EEA1: variants seen among roughly 807,000 people sequenced by gnomAD.
The protein encoded by EEA1 is early endosome antigen 1, 162kD.
Under a neutral mutation model 209.2 loss-of-function variants are expected in EEA1, and 111 were observed. The observed-to-expected ratio is 0.53, with a 90% CI of 0.45 to 0.62. EEA1 has a LOEUF of 0.62. Among genes scored for constraint, EEA1 ranks in the 20% least tolerant of loss-of-function variants. The pLI, the probability that EEA1 is intolerant of heterozygous loss-of-function variation, is 0.00. For missense variants in EEA1, 1,343 were observed against 1,530.8 expected (o/e 0.88, Z 2.05); for synonymous variants, 536 against 540.6 (o/e 0.99, Z 0.12).
intron 9 of EEA1, among the ~76,000 whole-genome samples, chr12:92,844,043 G>A (rs1020550477): frequency 5.9e-5 from 9 of 152,046 alleles, no homozygotes; most frequent in Admixed American, 2.6e-4. Context: ...AAACCAACAA[G>A]TTTATAGGCA....
intron 3 of EEA1, among the ~76,000 whole-genome samples, chr12:92,862,456 C>T (rs1195395682): frequency 6.6e-6 from 1 of 151,980 alleles, no homozygotes; most frequent in Non-Finnish European, 1.5e-5. Context: ...ATTAGCCAGG[C>T]ATGTTGGTCC....
Position 92,891,610 on chromosome 12 carries a change from C to T in EEA1, c.117+19G>A. 1 of 1,539,710 alleles carries T rather than the reference C, an allele frequency of 6.5e-7. No homozygotes were observed. The highest frequency in any genetic ancestry group is 8.8e-7 in the Non-Finnish European group (1 of 1,134,376). Reference sequence around the variant, plus strand: ...TTCCCTTAATATTGAATTTTATTGCCAAGTTATTATTTTCATACCTCTGAA... The same window carrying T: ...TTCCCTTAATATTGAATTTTATTGCTAAGTTATTATTTTCATACCTCTGAA... On this transcript the variant is annotated intron_variant, in intron 2 of 28. Coordinates refer to ENST00000322349, the MANE Select transcript of EEA1 (RefSeq NM_003566.4).
At chr12:92,913,392 GTTT>G (rs957223608) in intron 1 of EEA1, among the ~76,000 whole-genome samples, 2 of 152,012 alleles carry the variant, frequency 1.3e-5, no homozygotes, top group Non-Finnish European at 2.9e-5. Flanking sequence ...TGATGGACTT[GTTT>G]TTTTCTTGTT....
intron 25 of EEA1, 135 bp downstream of exon 25, chr12:92,778,980 C>G: frequency 1.5e-6 from 1 of 683,226 alleles, no homozygotes; most frequent in Non-Finnish European, 2.3e-6. Flanking sequence ...GTAAATAAAT[C>G]AGATCTCCTT....
At chr12:92,806,817 AAATC>A (rs1475285306) in intron 18 of EEA1, among the ~76,000 whole-genome samples, 3 of 152,236 alleles carry the variant, frequency 2.0e-5, no homozygotes, top group Non-Finnish European at 4.4e-5. Flanking sequence ...GTTTAACAGT[AAATC>A]AATCAATGTA....
chr12:92,808,938 A>C, intron 18 of EEA1, 79 bp downstream of exon 18: 2 of 1,332,770 alleles, frequency 1.5e-6, no homozygotes, highest in Non-Finnish European at 2.0e-6. Context: ...TACGATAGCA[A>C]AATTTAAATC....
intron 7 of EEA1, among the ~76,000 whole-genome samples, 196 bp from the exon 8 acceptor site, chr12:92,852,492 CAACATT>C (rs1302430242): frequency 6.6e-6 from 1 of 151,992 alleles, no homozygotes; most frequent in Non-Finnish European, 1.5e-5. Context: ...AAATTCCACT[CAACATT>C]AAGTTAATAA....
intron 2 of EEA1, among the ~76,000 whole-genome samples, chr12:92,868,356 A>C (rs1411300107): frequency 6.6e-6 from 1 of 152,222 alleles, no homozygotes. Flanking sequence ...GTACCCATAT[A>C]ATGTTTAGCC....
chr12:92,793,123 A>G (rs999168925), intron 21 of EEA1, among the ~76,000 whole-genome samples: 10 of 152,196 alleles, frequency 6.6e-5, no homozygotes, highest in African/African-American at 2.4e-4. Flanking sequence ...TATTGAGGGA[A>G]CGTATCTCAA....
intron 3 of EEA1, chr12:92,859,366 C>T (rs1878029993): frequency 5.1e-6 from 4 of 778,918 alleles, no homozygotes; most frequent in Admixed American, 2.5e-5. Flanking sequence ...CCTAAATTTT[C>T]CTGTCCTGTT....
At chr12:92,832,035 C>T (rs1180512973) in intron 11 of EEA1, among the ~76,000 whole-genome samples, 5 of 147,990 alleles carry the variant, frequency 3.4e-5, no homozygotes, top group South Asian at 2.1e-4. Flanking sequence ...TGCAGTGAGC[C>T]GAGATTGCGC....
intron 1 of EEA1, among the ~76,000 whole-genome samples, chr12:92,916,186 G>T: frequency 6.6e-6 from 1 of 152,106 alleles, no homozygotes; most frequent in East Asian, 1.9e-4. Flanking sequence ...AATATGAATA[G>T]ACAGCTACAA....
chr12:92,802,941 C>T (rs79794722), intron 18 of EEA1, among the ~76,000 whole-genome samples: 3,235 of 152,008 alleles, frequency 0.021, 57 homozygotes, highest in Non-Finnish European at 0.033. Context: ...GATTATTTTT[C>T]CCAAGTCAAA....
At chr12:92,879,379 A>G (rs1471649125) in intron 2 of EEA1, 1 of 451,302 alleles carries the variant, frequency 2.2e-6, no homozygotes, top group Non-Finnish European at 4.4e-6. Context: ...TTAAAATAGT[A>G]ACAACACAGC....
chr12:92,806,767 C>G (rs529718603), intron 18 of EEA1, among the ~76,000 whole-genome samples: 88 of 152,108 alleles, frequency 5.8e-4, no homozygotes, highest in Non-Finnish European at 1.1e-3. Flanking sequence ...AAAGGTAATA[C>G]AGCATGGTCA....
At chr12:92,861,463 A>C (rs1480295929) in intron 3 of EEA1, among the ~76,000 whole-genome samples, 2 of 152,212 alleles carry the variant, frequency 1.3e-5, no homozygotes, top group Non-Finnish European at 2.9e-5. Flanking sequence ...CTCAAAAAAA[A>C]ATTATTATTC....
At chr12:92,881,121 G>C (rs920175521) in intron 2 of EEA1, among the ~76,000 whole-genome samples, 1 of 152,124 alleles carries the variant, frequency 6.6e-6, no homozygotes, top group Non-Finnish European at 1.5e-5. Context: ...TTTAGAAAAC[G>C]GGCTCAGTGT....
intron 26 of EEA1, 42 bp from the exon 27 acceptor site, chr12:92,777,705 C>A: frequency 6.3e-7 from 1 of 1,581,036 alleles, no homozygotes; most frequent in South Asian, 1.1e-5. Context: ...TTTAGAAAAT[C>A]ATTTAAAGAC....
At chr12:92,777,175 C>A (rs1356660982) in intron 27 of EEA1, among the ~76,000 whole-genome samples, 1 of 151,806 alleles carries the variant, frequency 6.6e-6, no homozygotes, top group Non-Finnish European at 1.5e-5. Context: ...ATCTTGCTAA[C>A]CTTTGCTGAT....
Sources: gnomAD v4.1 joint callset for allele counts (sites outside exome capture counted in the v4.1 genomes callset) on GRCh38, gnomAD v4.1.1 for gene constraint, MANE v1.5 for transcripts, NCBI Gene and HGNC (gene_info 2026-07-23, HGNC 2026-07-21) for gene names.